Variants in HACD4 observed in about 807,000 individuals in gnomAD.
The protein encoded by HACD4 is very-long-chain (3R)-3-hydroxyacyl-CoA dehydratase 4.
HACD4 carries 35 observed loss-of-function variants against 33.3 expected under a neutral mutation model. The ratio of observed to expected loss-of-function variants is 1.05; its 90% confidence interval spans 0.80 to 1.39. HACD4 has a LOEUF of 1.39. HACD4 is among the 40% of genes most tolerant of loss of function. HACD4 has a pLI of 0.00. For synonymous variants in HACD4, 118 were observed against 98.0 expected (o/e 1.20, Z -1.21); for missense variants, 323 against 276.5 (o/e 1.17, Z -1.19).
intron 3 of HACD4, among the ~76,000 whole-genome samples, chr9:21,017,173 G>C (rs185172165): frequency 5.3e-5 from 8 of 152,188 alleles, no homozygotes; most frequent in South Asian, 2.1e-4. Flanking sequence ...GGGATAACCT[G>C]TGACTTGGCA....
chr9:21,010,580 C>A (rs926567379), intron 5 of HACD4, among the ~76,000 whole-genome samples: 12 of 151,562 alleles, frequency 7.9e-5, no homozygotes, highest in African/African-American at 2.9e-4. Context: ...CTTTTTGGCA[C>A]CAGTTACTGG....
chr9:21,027,580 C>T (rs535720668), intron 2 of HACD4, among the ~76,000 whole-genome samples: 4 of 152,176 alleles, frequency 2.6e-5, no homozygotes, highest in Non-Finnish European at 5.9e-5. Context: ...CTGAAGTACA[C>T]AGTCCATGCT....
intron 5 of HACD4, 106 bp from the exon 6 acceptor site, chr9:21,008,252 G>T (rs759543598): frequency 2.0e-6 from 2 of 1,005,878 alleles, no homozygotes; most frequent in Non-Finnish European, 2.8e-6. Context: ...GATAATGACA[G>T]TTTTGTAATA....
intron 3 of HACD4, among the ~76,000 whole-genome samples, chr9:21,021,661 C>A (rs1049014113): frequency 3.3e-5 from 5 of 151,794 alleles, no homozygotes; most frequent in African/African-American, 9.7e-5. Flanking sequence ...ACCTAGGAAT[C>A]CAACTTAAAA....
intron 3 of HACD4, among the ~76,000 whole-genome samples, chr9:21,018,335 T>A (rs942512397): frequency 1.3e-5 from 2 of 152,196 alleles, no homozygotes; most frequent in African/African-American, 4.8e-5. Flanking sequence ...CAACTGAAAG[T>A]GACTTACCTA....
chr9:21,015,064 C>T (rs1182867538), intron 4 of HACD4: 3 of 152,172 alleles, frequency 2.0e-5, no homozygotes, highest in Admixed American at 6.5e-5. Flanking sequence ...TGAAAAATTA[C>T]TAATTTATAT....
chr9:21,011,526 G>A, intron 5 of HACD4, 63 bp downstream of exon 5: 1 of 971,484 alleles, frequency 1.0e-6, no homozygotes, highest in Non-Finnish European at 1.6e-6. Flanking sequence ...AAAAAATTTA[G>A]TGAACCATTA....
rs774015812 is a variant in HACD4, at chr9:21,007,064, G to A, written c.672C>T (p.Ile224=). 6.3e-7 allele frequency: 1 copy of A among 1,584,142 alleles called. No homozygotes were observed. Among genetic ancestry groups the A allele is most frequent in the South Asian group, 1.1e-5 (1 of 90,418 alleles). Residue 224 remains isoleucine (I), a synonymous_variant, in exon 7 of 7, where the codon ATC becomes ATT. Transcript: ENST00000495827. Reference sequence around the variant, plus strand: ...ACATCTTCTTTTTTTTAATGGGAAAGATTCCGAGGATGTCTCTTCTTTCTG... The same window carrying A: ...ACATCTTCTTTTTTTTAATGGGAAAAATTCCGAGGATGTCTCTTCTTTCTG... ...LYSERRDILG[I]FPIKKKKM
intron 2 of HACD4, among the ~76,000 whole-genome samples, chr9:21,028,160 A>G (rs531612699): frequency 5.9e-4 from 89 of 151,280 alleles, no homozygotes; most frequent in African/African-American, 2.0e-3. Context: ...AAGAAAAAAG[A>G]AAAGAAAAAA....
intron 5 of HACD4, among the ~76,000 whole-genome samples, chr9:21,008,863 C>G (rs1842339102): frequency 6.6e-6 from 1 of 152,036 alleles, no homozygotes; most frequent in South Asian, 2.1e-4. Flanking sequence ...GAATGGTGCA[C>G]TATTTTTGCA....
At chr9:21,017,738 C>A (rs1817799919) in intron 3 of HACD4, 1 of 152,136 alleles carries the variant, frequency 6.6e-6, no homozygotes, top group Non-Finnish European at 1.5e-5. Flanking sequence ...TCTCTAGGGT[C>A]TCCTCCAGAT....
At chr9:21,014,691 T>A (rs539586208) in intron 4 of HACD4, among the ~76,000 whole-genome samples, 1 of 152,322 alleles carries the variant, frequency 6.6e-6, no homozygotes, top group East Asian at 1.9e-4. Flanking sequence ...TTTAAAAGGG[T>A]GAATTTTATG....
intron 3 of HACD4, among the ~76,000 whole-genome samples, chr9:21,023,574 CTTTTTTTT>C (rs397709627): frequency 2.3e-5 from 3 of 128,928 alleles, no homozygotes; most frequent in African/African-American, 8.6e-5. Context: ...ACTTAACAAT[CTTTTTTTT>C]TTTTTTTTTT....
In HACD4 at chr9:21,006,418, G is replaced by C. The variant is rs1188413676; in HGVS notation, c.*619C>G. 1.3e-5 allele frequency: 2 copies of C among 153,202 alleles called. No homozygotes were observed. Among genetic ancestry groups the C allele is most frequent in the Non-Finnish European group, 2.9e-5 (2 of 68,920 alleles). The allele number at this position is 153,202 out of a possible 1,614,324, so 9.5% of individuals were successfully genotyped here. ...TCCTGAGCGGAATTCCCAGCCTCCAGAACTGTGAGAAGCGTTTGCTGTTGT... is the reference window on the plus strand; with the variant it reads ...TCCTGAGCGGAATTCCCAGCCTCCACAACTGTGAGAAGCGTTTGCTGTTGT... On this transcript the variant is annotated 3_prime_UTR_variant, in exon 7 of 7. Coordinates refer to ENST00000495827, the MANE Select transcript of HACD4 (RefSeq NM_001010915.5). This position sits in a 1 kb window ranked among gnomAD's most constrained non-coding sequence, Gnocchi z 4.6.
chr9:21,029,786 T>C (rs1175227912), intron 1 of HACD4, among the ~76,000 whole-genome samples: 1 of 152,236 alleles, frequency 6.6e-6, no homozygotes, highest in East Asian at 1.9e-4. Context: ...TGGAATCATC[T>C]GGCAACACAG....
In HACD4 at chr9:21,016,024, A is replaced by T. The variant is rs1396469387; in HGVS notation, c.271-14T>A. The stretch of plus-strand genomic sequence containing the variant: ...TCTTTCTGTGAGCTAACAAAGAAAC[A>T]GCAAAGTCAGAAATTAGGACATCTA... On this transcript the variant is annotated splice_polypyrimidine_tract_variant and intron_variant, in intron 3 of 6. Coordinates refer to ENST00000495827, the MANE Select transcript of HACD4 (RefSeq NM_001010915.5). The T allele has an allele frequency of 6.4e-6, 10 of 1,572,098 alleles. No homozygotes were observed. Among genetic ancestry groups the T allele is most frequent in the Non-Finnish European group, 7.9e-6 (9 of 1,142,974 alleles).
chr9:21,015,472 G>A (rs970163544), intron 4 of HACD4: 1 of 154,208 alleles, frequency 6.5e-6, no homozygotes, highest in African/African-American at 2.4e-5. Flanking sequence ...ATGAATGTGA[G>A]AGTGCATTTT....
At position 21,000,616 on chromosome 9, in the gene HACD4, C is replaced by T. The variant is rs1389196047; in HGVS notation, c.*6421G>A. On this transcript the variant is annotated 3_prime_UTR_variant, in exon 7 of 7. Transcript: ENST00000495827. Reference sequence around the variant, plus strand: ...TGAACACTACCCTGGAGAACCATGTCATATCAACATTAGCATATAACTCAG... The same window carrying T: ...TGAACACTACCCTGGAGAACCATGTTATATCAACATTAGCATATAACTCAG... 2 of 152,038 alleles carry T rather than the reference C, an allele frequency of 1.3e-5. No homozygotes were observed. The highest frequency in any genetic ancestry group is 1.5e-5 in the Non-Finnish European group (1 of 67,970). 9.4% of individuals were successfully genotyped at this position (152,038 alleles called of 1,614,324 possible). A position where few individuals can be genotyped will look rare whatever the true frequency, so the allele number is the denominator to read the frequency against.
intron 5 of HACD4, 124 bp from the exon 6 acceptor site, chr9:21,008,270 A>C (rs557694862): frequency 1.3e-4 from 114 of 853,316 alleles, no homozygotes; most frequent in Admixed American, 4.4e-4. Context: ...ATAGTTGCTG[A>C]ATCTTTTTGC....
Sources: allele counts gnomAD v4.1 joint callset (sites outside exome capture counted in the v4.1 genomes callset), GRCh38; gene constraint gnomAD v4.1.1; non-coding constraint Gnocchi (gnomAD v3.1); transcripts MANE v1.5; gene names NCBI Gene and HGNC (gene_info 2026-07-23, HGNC 2026-07-21).